Variants in NUDT12 observed in about 807,000 individuals in gnomAD.
NUDT12 encodes the protein nudix hydrolase 12, also known as NAD-capped RNA hydrolase NUDT12.
Under a neutral mutation model 45.7 loss-of-function variants are expected in NUDT12, and 42 were observed. That is an observed-to-expected ratio of 0.92 (90% confidence interval 0.72 to 1.19). NUDT12 has a LOEUF of 1.19. Among genes scored for constraint, NUDT12 ranks in the 50% most tolerant of loss-of-function variants. The pLI is 0.00. For synonymous variants in NUDT12, 206 were observed against 179.7 expected (o/e 1.15, Z -1.17); for missense variants, 590 against 533.1 (o/e 1.11, Z -1.05).
In NUDT12 at chr5:103,554,817, C is replaced by G; in HGVS notation, c.1001G>C (p.Gly334Ala). The G allele has an allele frequency of 6.4e-7, 1 of 1,559,408 alleles. No individual in the cohort carries two copies. The highest frequency in any genetic ancestry group is 1.2e-5 in the South Asian group (1 of 84,262). The change falls in exon 5 of 7, where the codon GGG becomes GCG. Residue 334 changes from glycine (G) to alanine (A), a missense_variant. By Grantham distance (60) the Gly-to-Ala change is moderately conservative. Transcript: ENST00000230792. Reference sequence around the variant, plus strand: ...CTGCCTGCCTAAAAGGCATTTGGTCCCATCTGGATGAATAACTTGCATGAT... The same window carrying G: ...CTGCCTGCCTAAAAGGCATTTGGTCGCATCTGGATGAATAACTTGCATGAT... ...VVIMQVIHPD[G>A]TKCLLGRQKR...
rs1407475481 is a variant in NUDT12 at position 103,560,220 on chromosome 5, T to C, written c.29A>G (p.Gln10Arg). ...ACAGTGAAACTGAGTAACTATTTCTTGCTTCAGACTTCTTTTTACAGAAGA... is the reference window on the plus strand; with the variant it reads ...ACAGTGAAACTGAGTAACTATTTCTCGCTTCAGACTTCTTTTTACAGAAGA... MSSVKRSLKQEIVTQFHCSA... is the reference protein window; with the variant it reads MSSVKRSLKREIVTQFHCSA... Residue 10 changes from glutamine (Q) to arginine (R), a missense_variant, in exon 2 of 7, where the codon CAA (glutamine) becomes CGA (arginine). Physicochemically the swap from Gln to Arg is conservative, Grantham distance 43. Coordinates refer to ENST00000230792, the MANE Select transcript of NUDT12 (RefSeq NM_031438.4). 1.9e-6 allele frequency: 3 copies of C among 1,613,680 alleles called. No individual in the cohort carries two copies. The highest frequency in any genetic ancestry group is 1.7e-5 in the Admixed American group (1 of 59,988).
intron 5 of NUDT12, among the ~76,000 whole-genome samples, chr5:103,553,647 A>T (rs1748724723): frequency 6.6e-6 from 1 of 152,056 alleles, no homozygotes; most frequent in African/African-American, 2.4e-5. Flanking sequence ...AACTCTTGCA[A>T]ATGTGCACAA....
chr5:103,556,204 G>A (rs766936761), intron 3 of NUDT12, 106 bp from the exon 4 acceptor site: 15 of 684,080 alleles, frequency 2.2e-5, no homozygotes, highest in Non-Finnish European at 3.2e-5. Context: ...TGTGATCAGG[G>A]GTTTTAGTAT....
Position 103,550,916 on chromosome 5 carries a change from C to T in NUDT12, c.1334G>A (p.Arg445Gln), listed in dbSNP as rs780721870. The T allele has an allele frequency of 6.2e-6, 10 of 1,613,644 alleles. No homozygotes were observed. Among genetic ancestry groups the T allele is most frequent in the South Asian group, 2.2e-5 (2 of 91,056 alleles). Reference sequence around the variant, plus strand: ...TTTGATTAATTGATGTGCAATAGCTCGGCTTGGTGGCACAAAGAATGCCTG... The same window carrying T: ...TTTGATTAATTGATGTGCAATAGCTTGGCTTGGTGGCACAAAGAATGCCTG... ...KQQAFFVPPS[R>Q]AIAHQLIKHW... Residue 445 changes from arginine to glutamine, a missense_variant, in exon 7 of 7, where the codon CGA becomes CAA. Transcript: ENST00000230792.
rs751078193 is a variant in NUDT12, at chr5:103,558,947, C to G, written c.728G>C (p.Arg243Thr). 5.2e-5 allele frequency: 84 copies of G among 1,611,046 alleles called. No homozygotes were observed. The South Asian group carries it at 8.9e-4, about 17-fold the overall frequency. The part of the protein sequence containing the change: ...DPIAAEEFKQ[R>T]HENCYFLHPP... The stretch of plus-strand genomic sequence containing the variant: ...ATGAAGAAAGTAACAATTTTCATGT[C>G]TTTGCTTGAATTCTTCAGCAGCAAT... Residue 243 changes from arginine to threonine, a missense_variant, in exon 3 of 7, where the codon AGA (arginine) becomes ACA (threonine). Physicochemically the swap from Arg to Thr is moderately conservative, Grantham distance 71. Transcript: ENST00000230792.
chr5:103,561,381 T>A (rs1266725842), intron 1 of NUDT12, among the ~76,000 whole-genome samples: 3 of 152,148 alleles, frequency 2.0e-5, no homozygotes, highest in Non-Finnish European at 4.4e-5. Context: ...ATTGTCTCAT[T>A]TTGGAGCTGT....
intron 6 of NUDT12, among the ~76,000 whole-genome samples, chr5:103,551,829 A>G (rs1748662932): frequency 6.6e-6 from 1 of 152,176 alleles, no homozygotes; most frequent in Non-Finnish European, 1.5e-5. Context: ...AATTTTAAGC[A>G]CTTACTGATG....
Position 103,560,071 on chromosome 5 carries a change from C to T in NUDT12, c.178G>A (p.Glu60Lys). Reference sequence around the variant, plus strand: ...TTCTCAAGCAGAAATTGGACTATCTCTGGGTGCCCATTCCTTGCCGCATAC... The same window carrying T: ...TTCTCAAGCAGAAATTGGACTATCTTTGGGTGCCCATTCCTTGCCGCATAC... Reference protein sequence around the residue: ...LMYAARNGHPEIVQFLLEKGC... With the variant: ...LMYAARNGHPKIVQFLLEKGC... Residue 60 changes from glutamate (E) to lysine (K), a missense_variant, in exon 2 of 7, where the codon GAG becomes AAG. Physicochemically the swap from Glu to Lys is moderately conservative, Grantham distance 56. Coordinates refer to ENST00000230792, the MANE Select transcript of NUDT12 (RefSeq NM_031438.4). 3.1e-6 allele frequency: 5 copies of T among 1,613,856 alleles called. No individual in the cohort carries two copies. Among genetic ancestry groups the T allele is most frequent in the Non-Finnish European group, 4.2e-6 (5 of 1,179,768 alleles).
chr5:103,559,410 A>G lies in NUDT12; in HGVS notation c.265T>C (p.Trp89Arg). ...RQTALDIAVF[W>R]GYKHIANLLA... The stretch of plus-strand genomic sequence containing the variant: ...AAATTAGCTATATGCTTATAACCCC[A>G]AAATACAGCAATGTCCAGTGCAGTC... Residue 89 changes from tryptophan to arginine, a missense_variant, in exon 3 of 7, where the codon TGG becomes CGG. Trp to Arg is a moderately radical substitution (Grantham distance 101, BLOSUM62 -3). Transcript: ENST00000230792. 1 of 1,609,746 alleles carries G rather than the reference A, an allele frequency of 6.2e-7. No individual in the cohort carries two copies. Among genetic ancestry groups the G allele is most frequent in the African/African-American group, 1.3e-5 (1 of 74,842 alleles).
At chr5:103,562,334 A>C (rs1422041) in intron 1 of NUDT12, among the ~76,000 whole-genome samples, 4,205 of 152,222 alleles carry the variant, frequency 0.028, 196 homozygotes, top group African/African-American at 0.097. Flanking sequence ...ACTCAAGACC[A>C]ATTAAGTGCC....
chr5:103,559,754 A>G (rs1562621059), intron 2 of NUDT12: 2 of 482,864 alleles, frequency 4.1e-6, no homozygotes, highest in Non-Finnish European at 7.2e-6. Context: ...CCAAAATTCT[A>G]CAAGAAGTCC....
At position 103,560,242 on chromosome 5, in the gene NUDT12, A is replaced by C. The variant is rs762267488; in HGVS notation, c.7T>G (p.Ser3Ala). The change falls in exon 2 of 7, where the codon TCT becomes GCT. Residue 3 changes from serine to alanine, a missense_variant. Coordinates refer to ENST00000230792, the MANE Select transcript of NUDT12 (RefSeq NM_031438.4). Reference protein sequence around the residue: MSSVKRSLKQEIV... With the variant: MSAVKRSLKQEIV... ...TCTTGCTTCAGACTTCTTTTTACAGAAGACATTTCTTCCTTAAAAGAAGGA... is the reference window on the plus strand; with the variant it reads ...TCTTGCTTCAGACTTCTTTTTACAGCAGACATTTCTTCCTTAAAAGAAGGA... 3.4e-5 allele frequency: 54 copies of C among 1,611,706 alleles called. No homozygotes were observed. Among genetic ancestry groups the C allele is most frequent in the Non-Finnish European group, 4.4e-5 (52 of 1,178,098 alleles).
At chr5:103,562,474 G>C (rs531529813) in intron 1 of NUDT12, among the ~76,000 whole-genome samples, 2 of 152,192 alleles carry the variant, frequency 1.3e-5, no homozygotes, top group African/African-American at 4.8e-5. Context: ...ATCTCAGCTT[G>C]GGCAGGAAAC....
At chr5:103,557,163 G>A (rs1457446859) in intron 3 of NUDT12, among the ~76,000 whole-genome samples, 1 of 151,010 alleles carries the variant, frequency 6.6e-6, no homozygotes, top group African/African-American at 2.4e-5. Flanking sequence ...CTGAGTCACA[G>A]AAAAGTTAAG....
chr5:103,557,002 T>C (rs1289863104), intron 3 of NUDT12, among the ~76,000 whole-genome samples: 1 of 152,018 alleles, frequency 6.6e-6, no homozygotes, highest in Non-Finnish European at 1.5e-5. Context: ...ATTTACATTA[T>C]TTCAGAATCA....
chr5:103,552,454 C>A (rs1208378162), intron 5 of NUDT12, 38 bp from the exon 6 acceptor site: 2 of 1,512,544 alleles, frequency 1.3e-6, no homozygotes, highest in Admixed American at 3.4e-5. Context: ...TGCTGATGAA[C>A]ATGCCCGGGA....
In NUDT12 at chr5:103,550,197, C is replaced by G. The variant is rs891347272; in HGVS notation, c.*664G>C. The G allele has an allele frequency of 1.5e-4, 23 of 152,064 alleles. No individual in the cohort carries two copies. Among genetic ancestry groups the G allele is most frequent in the African/African-American group, 5.6e-4 (23 of 41,394 alleles). The allele number at this position is 152,064 out of a possible 1,614,324, so 9.4% of individuals were successfully genotyped here. Reference sequence around the variant, plus strand: ...GAGAGGTCCCAGATATAATAGTATGCTTTTCTCCTTCCATGAGGGTGTGGT... The same window carrying G: ...GAGAGGTCCCAGATATAATAGTATGGTTTTCTCCTTCCATGAGGGTGTGGT... On this transcript the variant is annotated 3_prime_UTR_variant, in exon 7 of 7. Coordinates refer to ENST00000230792, the MANE Select transcript of NUDT12 (RefSeq NM_031438.4).
intron 6 of NUDT12, 116 bp from the exon 7 acceptor site, chr5:103,551,087 G>A (rs1333720097): frequency 2.4e-5 from 17 of 695,468 alleles, no homozygotes; most frequent in Admixed American, 8.6e-5. Flanking sequence ...AATAACAACA[G>A]TAGAAAGTGA....
chr5:103,550,740 A>T lies in NUDT12; in HGVS notation c.*121T>A. The T allele has an allele frequency of 1.6e-6, 1 of 633,910 alleles. No homozygotes were observed. Among genetic ancestry groups the T allele is most frequent in the Non-Finnish European group, 2.7e-6 (1 of 373,978 alleles). 39.3% of individuals were successfully genotyped at this position (633,910 alleles called of 1,614,324 possible). ...ACAGAACACTTTGAAAATATTTCGA[A>T]AACCCAACATCGTATTTTGTGTTGT... On this transcript the variant is annotated 3_prime_UTR_variant, in exon 7 of 7. Coordinates refer to ENST00000230792, the MANE Select transcript of NUDT12 (RefSeq NM_031438.4).
Sources: gnomAD v4.1 joint callset for allele counts (sites outside exome capture counted in the v4.1 genomes callset) on GRCh38, gnomAD v4.1.1 for gene constraint, MANE v1.5 for transcripts, NCBI Gene and HGNC (gene_info 2026-07-23, HGNC 2026-07-21) for gene names.